SMAP1: variants seen among roughly 807,000 people sequenced by gnomAD.
SMAP1 encodes stromal membrane-associated protein 1.
SMAP1 carries 24 observed loss-of-function variants against 58.5 expected under a neutral mutation model. That is an observed-to-expected ratio of 0.41 (90% CI 0.30 to 0.58). The LOEUF (loss-of-function observed/expected upper bound fraction) is 0.58, where lower values mean the gene tolerates loss of function less well. SMAP1 is among the 20% of genes least tolerant of loss of function. SMAP1 has a pLI of 0.29. For missense variants in SMAP1, 563 were observed against 566.3 expected, an observed-to-expected ratio of 0.99 and a Z score of 0.06; for synonymous variants, 216 against 196.6, an observed-to-expected ratio of 1.10 and a Z score of -0.82.
chr6:70,769,188 G>A (rs1187364423), intron 3 of SMAP1, among the ~76,000 whole-genome samples: 1 of 152,106 alleles, frequency 6.6e-6, no homozygotes, highest in Non-Finnish European at 1.5e-5. Context: ...GTCAATTTGG[G>A]AATAGGTGTG....
chr6:70,691,404 T>G (rs969257230), intron 1 of SMAP1, among the ~76,000 whole-genome samples: 1 of 152,198 alleles, frequency 6.6e-6, no homozygotes, highest in Non-Finnish European at 1.5e-5. Context: ...CACATCAGGG[T>G]AAATGAGGTT....
At chr6:70,749,816 G>A (rs941870869) in intron 2 of SMAP1, among the ~76,000 whole-genome samples, 1 of 152,180 alleles carries the variant, frequency 6.6e-6, no homozygotes, top group Non-Finnish European at 1.5e-5. Flanking sequence ...AAGAAGGAAA[G>A]TCCAAGAAGC....
At chr6:70,813,261 G>A (rs113619417) in intron 6 of SMAP1, among the ~76,000 whole-genome samples, 4,626 of 152,120 alleles carry the variant, frequency 0.03, 263 homozygotes, top group African/African-American at 0.11. Context: ...CCCAGCAAGG[G>A]TTTGCTTCTC....
At chr6:70,831,014 C>G (rs190235322) in intron 6 of SMAP1, among the ~76,000 whole-genome samples, 1 of 152,182 alleles carries the variant, frequency 6.6e-6, no homozygotes, top group Non-Finnish European at 1.5e-5. Context: ...AACTTCCTAT[C>G]TTATTTCATG....
chr6:70,715,082 GTTTCT>G (rs1359605806), intron 1 of SMAP1, among the ~76,000 whole-genome samples: 1 of 138,742 alleles, frequency 7.2e-6, no homozygotes, highest in Non-Finnish European at 1.5e-5. Flanking sequence ...CTCTGTGTGG[GTTTCT>G]TTTTTTTTTT....
intron 6 of SMAP1, among the ~76,000 whole-genome samples, chr6:70,828,297 G>T (rs1316621594): frequency 6.6e-6 from 1 of 152,086 alleles, no homozygotes; most frequent in Non-Finnish European, 1.5e-5. Flanking sequence ...ATTTCAGTAG[G>T]TAATCAGATA....
At chr6:70,775,385 G>A (rs1216209285) in intron 4 of SMAP1, among the ~76,000 whole-genome samples, 3 of 152,112 alleles carry the variant, frequency 2.0e-5, no homozygotes. Context: ...TAATGTGTAA[G>A]ATGGTTTTAT....
chr6:70,671,320 T>C (rs1766255507), intron 1 of SMAP1, among the ~76,000 whole-genome samples: 1 of 152,138 alleles, frequency 6.6e-6, no homozygotes, highest in South Asian at 2.1e-4. Context: ...CACATTGACA[T>C]GTCCCATGCT....
intron 4 of SMAP1, among the ~76,000 whole-genome samples, chr6:70,790,246 T>C (rs1768287469): frequency 6.6e-6 from 1 of 152,180 alleles, no homozygotes; most frequent in South Asian, 2.1e-4. Context: ...GTTCATGTGA[T>C]TCTCCTGCCT....
At chr6:70,681,709 T>C (rs773279400) in intron 1 of SMAP1, among the ~76,000 whole-genome samples, 2 of 152,198 alleles carry the variant, frequency 1.3e-5, no homozygotes, top group African/African-American at 2.4e-5. Context: ...TCAATTAGAA[T>C]ACTAATGAGT....
chr6:70,773,876 C>T (rs1036206264), intron 4 of SMAP1, among the ~76,000 whole-genome samples: 1 of 152,156 alleles, frequency 6.6e-6, no homozygotes, highest in Admixed American at 6.6e-5. Flanking sequence ...CATTTTGATA[C>T]TCCTAATAGT....
chr6:70,794,508 T>C (rs1380567290), intron 5 of SMAP1, among the ~76,000 whole-genome samples: 1 of 152,192 alleles, frequency 6.6e-6, no homozygotes, highest in Non-Finnish European at 1.5e-5. Context: ...ATGTGCCATG[T>C]TGGTTTGCTG....
chr6:70,759,934 A>G (rs563142247), intron 3 of SMAP1: 3 of 416,604 alleles, frequency 7.2e-6, no homozygotes, highest in South Asian at 5.2e-5. Flanking sequence ...TATCTTTTTT[A>G]TTTCTCAAAA....
intron 7 of SMAP1, among the ~76,000 whole-genome samples, chr6:70,848,872 C>T (rs1171654957): frequency 1.3e-5 from 2 of 152,234 alleles, no homozygotes; most frequent in African/African-American, 4.8e-5. Context: ...TGAAAACCCA[C>T]TGGGAACTTG....
intron 4 of SMAP1, among the ~76,000 whole-genome samples, chr6:70,785,107 CA>C (rs1767949744): frequency 6.6e-6 from 1 of 152,212 alleles, no homozygotes; most frequent in Non-Finnish European, 1.5e-5. Context: ...AACTGTCTCT[CA>C]GACCACAGTG....
intron 7 of SMAP1, chr6:70,837,980 ATTC>A (rs1770663308): frequency 2.4e-5 from 24 of 989,154 alleles, no homozygotes; most frequent in South Asian, 2.3e-4. Context: ...TGGAGGTACA[ATTC>A]TTCTATGATG....
chr6:70,790,504 T>G (rs1768301121), intron 4 of SMAP1, among the ~76,000 whole-genome samples: 1 of 152,052 alleles, frequency 6.6e-6, no homozygotes, highest in South Asian at 2.1e-4. Flanking sequence ...AAGGCTCGAC[T>G]TTGCCTTTTT....
intron 4 of SMAP1, among the ~76,000 whole-genome samples, chr6:70,780,935 A>G (rs1352148930): frequency 6.6e-6 from 1 of 152,238 alleles, no homozygotes; most frequent in Non-Finnish European, 1.5e-5. Flanking sequence ...AAGAATTAAG[A>G]TGAAGTATAC....
In SMAP1 at chr6:70,830,816, T is replaced by G. The variant is rs528743920; in HGVS notation, c.577-6125T>G. 9.2e-5 allele frequency among the ~76,000 whole-genome samples: 14 copies of G among 152,332 alleles called. No homozygotes were observed. In the East Asian group the frequency reaches 2.7e-3, roughly 29 times the overall value. ...ACACATTAACATTGGTGATTTATAT[T>G]GTAAAGAAAGACAAAGAGAATCAAA... On this transcript the variant is annotated intron_variant, in intron 6 of 10. Transcript: ENST00000370455.
Sources: allele counts gnomAD v4.1 joint callset (sites outside exome capture counted in the v4.1 genomes callset), GRCh38; gene constraint gnomAD v4.1.1; transcripts MANE v1.5; gene names NCBI Gene and HGNC (gene_info 2026-07-23, HGNC 2026-07-21).